The following CNTNAP3B variants were observed in gnomAD, a reference collection of about 807,000 sequenced individuals.
CNTNAP3B encodes contactin-associated protein-like 3B.
Under a neutral mutation model 108.9 loss-of-function variants are expected in CNTNAP3B, and 25 were observed. The ratio of observed to expected loss-of-function variants is 0.23; its 90% CI spans 0.17 to 0.32. The LOEUF (loss-of-function observed/expected upper bound fraction) is 0.32, where lower values mean the gene tolerates loss of function less well. Among genes scored for constraint, CNTNAP3B ranks in the 10% least tolerant of loss-of-function variants. The pLI, the probability that CNTNAP3B is intolerant of heterozygous loss-of-function variation, is 1.00. For synonymous variants in CNTNAP3B, 103 were observed against 473.4 expected, an observed-to-expected ratio of 0.22 and a Z score of 10.16; for missense variants, 252 against 1,210.4, an observed-to-expected ratio of 0.21 and a Z score of 11.75.
intron 9 of CNTNAP3B, among the ~76,000 whole-genome samples, chr9:41,979,189 C>T (rs1825576101): frequency 7.8e-6 from 1 of 127,840 alleles, no homozygotes. Context: ...CATAAGGACA[C>T]TGGTCATATT....
chr9:41,968,094 T>A (rs1199903560), intron 10 of CNTNAP3B, among the ~76,000 whole-genome samples: 4 of 152,230 alleles, frequency 2.6e-5, no homozygotes, highest in African/African-American at 9.7e-5. Flanking sequence ...GGGAGCTACA[T>A]GCACAAAGCA....
At chr9:41,943,930 C>A (rs1366046764) in intron 13 of CNTNAP3B, among the ~76,000 whole-genome samples, 1 of 152,220 alleles carries the variant, frequency 6.6e-6, no homozygotes, top group Non-Finnish European at 1.5e-5. Context: ...AATAAAATCT[C>A]GAAATAAACC....
At chr9:41,959,019 A>G (rs1435689598) in intron 12 of CNTNAP3B, among the ~76,000 whole-genome samples, 1 of 140,904 alleles carries the variant, frequency 7.1e-6, no homozygotes, top group Non-Finnish European at 1.5e-5. Context: ...AGGTTTTCCT[A>G]CCTTGACAAC....
At chr9:41,941,222 T>C (rs3011158) in intron 13 of CNTNAP3B, among the ~76,000 whole-genome samples, 12,972 of 138,120 alleles carry the variant, frequency 0.094, 66 homozygotes, top group South Asian at 0.15. Context: ...AAAAATTACC[T>C]TAAATGTAAA....
At chr9:42,094,418 G>A (rs1270963814) in intron 2 of CNTNAP3B, among the ~76,000 whole-genome samples, 1 of 127,902 alleles carries the variant, frequency 7.8e-6, no homozygotes, top group African/African-American at 3.2e-5. Flanking sequence ...ATTTTGGGAA[G>A]CTGAGGTGGC....
At chr9:42,014,561 C>A (rs1287182446) in intron 3 of CNTNAP3B, among the ~76,000 whole-genome samples, 1 of 118,644 alleles carries the variant, frequency 8.4e-6, no homozygotes, top group Admixed American at 8.8e-5. Context: ...GAGGCCAAGT[C>A]GGACAGATCA....
intron 2 of CNTNAP3B, among the ~76,000 whole-genome samples, chr9:42,087,664 G>T (rs1827733345): frequency 7.1e-6 from 1 of 140,102 alleles, no homozygotes; most frequent in Admixed American, 7.1e-5. Flanking sequence ...CCATCCTAGA[G>T]AACATATTAT....
chr9:41,924,660 C>CATAT (rs1248222177), intron 15 of CNTNAP3B, among the ~76,000 whole-genome samples: 229 of 147,560 alleles, frequency 1.6e-3, no homozygotes, highest in Middle Eastern at 3.5e-3. Flanking sequence ...CACACACACA[C>CATAT]ACACACACAC....
intron 14 of CNTNAP3B, among the ~76,000 whole-genome samples, chr9:41,937,779 T>C (rs1427477064): frequency 6.6e-6 from 1 of 152,074 alleles, no homozygotes; most frequent in African/African-American, 2.4e-5. Context: ...TTCTAAAAAA[T>C]AAACACAGTC....
At chr9:41,938,893 G>A (rs1196710288) in intron 13 of CNTNAP3B, among the ~76,000 whole-genome samples, 2 of 152,244 alleles carry the variant, frequency 1.3e-5, no homozygotes, top group East Asian at 1.9e-4. Context: ...ATTTTTGGAG[G>A]TATTTGTTTT....
rs1337856885 is a variant in CNTNAP3B at position 42,113,555 on chromosome 9, G to A, written c.86-8816C>T. Among the ~76,000 whole-genome samples the A allele has an allele frequency of 1.4e-5, 2 of 139,242 alleles. 1 individual carries two copies. Among genetic ancestry groups the A allele is most frequent in the East Asian group, 4.3e-4 (2 of 4,606 alleles). The allele number at this position is 139,242 out of a possible 152,430, so 91.3% of individuals were successfully genotyped here. Reference sequence around the variant, plus strand: ...CAGAAAAAAATACAACAACACAGGTGCATATAATTTAAAAAGAAAATCATG... The same window carrying A: ...CAGAAAAAAATACAACAACACAGGTACATATAATTTAAAAAGAAAATCATG... On this transcript the variant is annotated intron_variant, in intron 1 of 23. Transcript: ENST00000377561.
chr9:42,103,418 T>TAAAA (rs1156658774), intron 2 of CNTNAP3B, among the ~76,000 whole-genome samples: 1,269 of 46,888 alleles, frequency 0.027, 17 homozygotes, highest in South Asian at 0.057. Flanking sequence ...AACAGGGAGT[T>TAAAA]AAAAAAAAAA....
At chr9:41,926,196 G>C (rs1380440072) in intron 15 of CNTNAP3B, among the ~76,000 whole-genome samples, 1 of 152,274 alleles carries the variant, frequency 6.6e-6, no homozygotes, top group African/African-American at 2.4e-5. Context: ...TCTTTCCTCA[G>C]TGAGGTCACT....
At chr9:41,942,697 T>A (rs1480588105) in intron 13 of CNTNAP3B, among the ~76,000 whole-genome samples, 1 of 152,188 alleles carries the variant, frequency 6.6e-6, no homozygotes. Flanking sequence ...ATCAGATCAG[T>A]ACATTACCTG....
chr9:41,941,831 C>T (rs1468883736), intron 13 of CNTNAP3B, among the ~76,000 whole-genome samples: 7,106 of 135,822 alleles, frequency 0.052, 18 homozygotes, highest in Middle Eastern at 0.097. Flanking sequence ...GTGGGGGATA[C>T]GCCTTAGAGG....
intron 13 of CNTNAP3B, among the ~76,000 whole-genome samples, chr9:41,942,484 G>A (rs1329688115): frequency 2.5e-3 from 377 of 151,084 alleles, no homozygotes; most frequent in African/African-American, 8.3e-3. Context: ...GGTGGCGGGC[G>A]CCTGTAGTCC....
rs533222804 is a variant in CNTNAP3B at position 41,929,461 on chromosome 9, G to A, written c.2238-17C>T. The A allele has an allele frequency of 1.2e-3, 1,822 of 1,521,298 alleles. 231 individuals are homozygous for A. In the South Asian group the frequency reaches 0.019, roughly 16 times the overall value. The allele number at this position is 1,521,298 out of a possible 1,614,324, so 94.2% of individuals were successfully genotyped here. A position where few individuals can be genotyped will look rare whatever the true frequency, so the allele number is the denominator to read the frequency against. On this transcript the variant is annotated splice_polypyrimidine_tract_variant and intron_variant, in intron 14 of 23. Transcript: ENST00000377561. ...TCACTAGTCCTAAAGAACAACAACCGAAACCATTAAAATTATTCTGATTAA... is the reference window on the plus strand; with the variant it reads ...TCACTAGTCCTAAAGAACAACAACCAAAACCATTAAAATTATTCTGATTAA...
chr9:41,954,446 T>C (rs1824795150), intron 12 of CNTNAP3B, among the ~76,000 whole-genome samples: 1 of 152,268 alleles, frequency 6.6e-6, no homozygotes, highest in African/African-American at 2.4e-5. Flanking sequence ...AAACCAGCCA[T>C]GCTACTGAAA....
intron 4 of CNTNAP3B, among the ~76,000 whole-genome samples, chr9:41,999,532 TAC>T (rs1326595626): frequency 1.6e-4 from 19 of 118,824 alleles, no homozygotes; most frequent in South Asian, 2.8e-4. Flanking sequence ...TCTCTCTCTC[TAC>T]ACACACACAC....
Sources: allele counts gnomAD v4.1 joint callset (sites outside exome capture counted in the v4.1 genomes callset), GRCh38; gene constraint gnomAD v4.1.1; transcripts MANE v1.5; gene names NCBI Gene and HGNC (gene_info 2026-07-23, HGNC 2026-07-21).